The following MTHFD1L variants were observed in gnomAD, a reference collection of about 807,000 sequenced individuals.
MTHFD1L encodes the protein methylenetetrahydrofolate dehydrogenase (NADP+ dependent) 1 like.
Under a neutral mutation model 119.5 loss-of-function variants are expected in MTHFD1L, and 81 were observed. The ratio of observed to expected loss-of-function variants is 0.68; its 90% CI spans 0.57 to 0.82. MTHFD1L has a LOEUF of 0.82. Ranked by LOEUF, MTHFD1L falls within the 40% of genes least tolerant of loss-of-function variation. The probability of loss-of-function intolerance (pLI) is 0.00; values close to 1 mark genes in which losing one functional copy is unlikely to be tolerated. For synonymous variants in MTHFD1L, 430 were observed against 475.2 expected (o/e 0.90, Z 1.24); for missense variants, 1,125 against 1,253.4 (o/e 0.90, Z 1.55).
intron 20 of MTHFD1L, among the ~76,000 whole-genome samples, chr6:151,009,448 CG>C (rs1781908115): frequency 1.3e-5 from 2 of 151,958 alleles, no homozygotes; most frequent in Admixed American, 1.3e-4. Context: ...TCAGGAGAAT[CG>C]CTTGTGCCCG....
At chr6:150,997,178 G>A (rs1326403017) in intron 20 of MTHFD1L, among the ~76,000 whole-genome samples, 1 of 152,090 alleles carries the variant, frequency 6.6e-6, no homozygotes, top group Admixed American at 6.6e-5. Context: ...CCATACTGAG[G>A]ACCAAGACCT....
intron 19 of MTHFD1L, among the ~76,000 whole-genome samples, chr6:150,971,609 T>C (rs1254586897): frequency 6.6e-6 from 1 of 152,210 alleles, no homozygotes; most frequent in Non-Finnish European, 1.5e-5. Flanking sequence ...TTTAAAAAAA[T>C]ATAGTGCATG....
intron 26 of MTHFD1L, among the ~76,000 whole-genome samples, chr6:151,042,628 T>C (rs1186661335): frequency 6.6e-6 from 1 of 152,208 alleles, no homozygotes; most frequent in Middle Eastern, 3.2e-3. Context: ...ATATTGTCTT[T>C]AAGTTTCTAT....
intron 2 of MTHFD1L, among the ~76,000 whole-genome samples, chr6:150,877,252 C>T (rs1780600289): frequency 2.0e-5 from 3 of 152,108 alleles, no homozygotes; most frequent in Non-Finnish European, 4.4e-5. Flanking sequence ...GGGGTTTCAC[C>T]ATGTTGCCCA....
At chr6:150,938,867 G>A (rs1792587213) in intron 13 of MTHFD1L, 122 bp downstream of exon 13, 2 of 1,085,566 alleles carry the variant, frequency 1.8e-6, no homozygotes, top group South Asian at 1.4e-5. Flanking sequence ...TTAAGGCTCT[G>A]AAACCCCAAA....
chr6:151,099,761 T>G (rs886076921), intron 27 of MTHFD1L: 3 of 1,609,060 alleles, frequency 1.9e-6, no homozygotes, highest in Non-Finnish European at 2.5e-6. Flanking sequence ...AAGTTCCTGG[T>G]CCACAACGTC....
intron 8 of MTHFD1L, chr6:150,912,867 G>A (rs1787159172): frequency 5.1e-6 from 1 of 197,256 alleles, no homozygotes; most frequent in Admixed American, 5.4e-5. Flanking sequence ...ATGGAGTCCT[G>A]CCCCTACACG....
chr6:150,969,798 T>C (rs531036388), intron 19 of MTHFD1L, among the ~76,000 whole-genome samples: 1 of 152,342 alleles, frequency 6.6e-6, no homozygotes, highest in South Asian at 2.1e-4. Context: ...GTTTTGTTTC[T>C]GCATCTGTCA....
intron 26 of MTHFD1L, chr6:151,057,120 G>C: frequency 1.2e-6 from 1 of 819,384 alleles, no homozygotes; most frequent in African/African-American, 1.9e-5. Context: ...GTTCAGCTCT[G>C]GTAATTGTAG....
Position 150,949,207 on chromosome 6 carries a change from A to G in MTHFD1L, c.1726+74A>G. ...TGTTCGAGCCGAAGCGCTTAAATTC[A>G]GAAACTTACAGTTTGATCCTGTCCA... On this transcript the variant is annotated intron_variant, in intron 16 of 27. Coordinates refer to ENST00000367321, the MANE Select transcript of MTHFD1L (RefSeq NM_015440.5). 4 of 1,174,510 alleles carry G rather than the reference A, an allele frequency of 3.4e-6. No individual in the cohort carries two copies. The Admixed American group carries it at 7.5e-5, about 22-fold the overall frequency. The allele number at this position is 1,174,510 out of a possible 1,614,324, so 72.8% of individuals were successfully genotyped here.
Position 151,034,414 on chromosome 6 carries a change from G to T in MTHFD1L, c.2587-79G>T. ...GATAAGGGAATTTTAAGCAATTACA[G>T]AACATCTCACTAAAGTTTTTAAAAA... On this transcript the variant is annotated intron_variant, in intron 24 of 27. Coordinates refer to ENST00000367321, the MANE Select transcript of MTHFD1L (RefSeq NM_015440.5). 3.1e-6 allele frequency: 3 copies of T among 960,570 alleles called. No individual in the cohort carries two copies. In the South Asian group the frequency reaches 4.1e-5, roughly 13 times the overall value. The allele number at this position is 960,570 out of a possible 1,614,324, so 59.5% of individuals were successfully genotyped here. A position where few individuals can be genotyped will look rare whatever the true frequency, so the allele number is the denominator to read the frequency against.
chr6:150,878,273 T>C (rs1301311459), intron 4 of MTHFD1L, among the ~76,000 whole-genome samples: 1 of 151,498 alleles, frequency 6.6e-6, no homozygotes, highest in Non-Finnish European at 1.5e-5. Flanking sequence ...TTTTTTGAGA[T>C]GGAATTTTAC....
intron 13 of MTHFD1L, 149 bp downstream of exon 13, chr6:150,938,894 T>C (rs995406205): frequency 1.2e-6 from 1 of 825,630 alleles, no homozygotes; most frequent in Non-Finnish European, 2.0e-6. Flanking sequence ...GCATAACTCA[T>C]GCAGTGACAA....
At chr6:151,073,700 A>AC (rs1491512397) in intron 26 of MTHFD1L, among the ~76,000 whole-genome samples, 1 of 138,618 alleles carries the variant, frequency 7.2e-6, no homozygotes, top group African/African-American at 2.6e-5. Flanking sequence ...AAAAAAAAAA[A>AC]CTCTTAATTA....
chr6:150,978,004 G>A (rs886611332), intron 20 of MTHFD1L, among the ~76,000 whole-genome samples: 21 of 151,148 alleles, frequency 1.4e-4, no homozygotes, highest in African/African-American at 4.9e-4. Context: ...AGGTTCAAGC[G>A]ATTCTCCTAC....
rs575534379 is a variant in MTHFD1L, at chr6:150,866,491, G to A, written c.227+442G>A. ...CGCCGGCTGGCCCGGGGTTCGGGAA[G>A]GGCAAGCGGAGCTCGGGAGAGGCGG... On this transcript the variant is annotated intron_variant, in intron 1 of 27. Transcript: ENST00000367321. The A allele has an allele frequency of 1.2e-3, 1,633 of 1,313,670 alleles. 20 individuals are homozygous for A. In the African/African-American group the frequency reaches 0.023, roughly 18 times the overall value. The allele number at this position is 1,313,670 out of a possible 1,614,324, so 81.4% of individuals were successfully genotyped here. A position where few individuals can be genotyped will look rare whatever the true frequency, so the allele number is the denominator to read the frequency against.
intron 4 of MTHFD1L, among the ~76,000 whole-genome samples, chr6:150,880,703 A>T (rs936039659): frequency 1.3e-5 from 2 of 152,194 alleles, no homozygotes; most frequent in African/African-American, 4.8e-5. Context: ...TGGCTATATT[A>T]ATCTGCATTC....
chr6:150,990,353 A>C (rs1486640466), intron 20 of MTHFD1L, among the ~76,000 whole-genome samples: 1 of 152,212 alleles, frequency 6.6e-6, no homozygotes, highest in Admixed American at 6.5e-5. Context: ...AGATAACCCT[A>C]TAGCAAAACA....
At chr6:150,951,662 G>A (rs1196383789) in intron 16 of MTHFD1L, among the ~76,000 whole-genome samples, 1 of 152,074 alleles carries the variant, frequency 6.6e-6, no homozygotes, top group African/African-American at 2.4e-5. Flanking sequence ...AACACCAACA[G>A]CATTTTAAAT....
Sources: gnomAD v4.1 joint callset for allele counts (sites outside exome capture counted in the v4.1 genomes callset) on GRCh38, gnomAD v4.1.1 for gene constraint, MANE v1.5 for transcripts, NCBI Gene and HGNC (gene_info 2026-07-23, HGNC 2026-07-21) for gene names.